The following KDM5A variants were observed in gnomAD, a reference collection of about 807,000 sequenced individuals.
KDM5A encodes lysine-specific demethylase 5A.
A neutral mutation model predicts 193.5 loss-of-function variants in KDM5A; 42 were observed. The observed-to-expected ratio is 0.22, with a 90% CI of 0.17 to 0.28. KDM5A has a LOEUF of 0.28. Ranked by LOEUF, KDM5A falls within the 10% of genes least tolerant of loss-of-function variation. The pLI, the probability that KDM5A is intolerant of heterozygous loss-of-function variation, is 1.00. For synonymous variants in KDM5A, 796 were observed against 718.1 expected, an observed-to-expected ratio of 1.11 and a Z score of -1.73; for missense variants, 1,692 against 2,055.1, an observed-to-expected ratio of 0.82 and a Z score of 3.42.
At chr12:310,075 T>G in intron 21 of KDM5A, 111 bp from the exon 22 acceptor site, 1 of 1,075,896 alleles carries the variant, frequency 9.3e-7, no homozygotes, top group Non-Finnish European at 1.4e-6. Context: ...CGCACTTTCT[T>G]AAGGACTTTA....
chr12:330,734 G>A (rs1205291966), intron 13 of KDM5A, among the ~76,000 whole-genome samples: 1 of 152,114 alleles, frequency 6.6e-6, no homozygotes, highest in Non-Finnish European at 1.5e-5. Context: ...AAAATTACTG[G>A]AGCAAGTAAG....
rs1386239903 is a variant in KDM5A at position 388,995 on chromosome 12, G to A, written c.97C>T (p.Leu33Phe). The change falls in exon 1 of 28, where the codon CTC becomes TTC. Residue 33 changes from leucine to phenylalanine, a missense_variant. Coordinates refer to ENST00000399788, the MANE Select transcript of KDM5A (RefSeq NM_001042603.3). ...GGCCGGATGCGGCCGATAAAGCTGA[G>A]CGGATCTGTGAACTCCTCCCAACTC... is the stretch of plus-strand genomic sequence containing the variant. ...EPSWEEFTDPLSFIGRIRPLA... is the reference protein window; with the variant it reads ...EPSWEEFTDPFSFIGRIRPLA... 3.1e-6 allele frequency: 5 copies of A among 1,614,036 alleles called. No homozygotes were observed. Among genetic ancestry groups the A allele is most frequent in the Middle Eastern group, 1.6e-4 (1 of 6,084 alleles).
In KDM5A at chr12:326,864, C is replaced by CAAAAAAA. The variant is rs61571425; in HGVS notation, c.1968+1964_1968+1970dup. Reference sequence around the variant, plus strand: ...TGGGTGACAGAGCTAGACTCTGTCTCAAAAAAAAAAAAAAAAAAAAAAAAA... The same window carrying CAAAAAAA: ...TGGGTGACAGAGCTAGACTCTGTCTCAAAAAAAAAAAAAAAAAAAAAAAAAAAAAAAA... On this transcript the variant is annotated intron_variant, in intron 14 of 27. Transcript: ENST00000399788. 1.4e-4 allele frequency among the ~76,000 whole-genome samples: 12 copies of CAAAAAAA among 85,990 alleles called. No individual in the cohort carries two copies. In the East Asian group the frequency reaches 2.2e-3, roughly 16 times the overall value. The allele number at this position is 85,990 out of a possible 152,430, so 56.4% of individuals were successfully genotyped here. A position where few individuals can be genotyped will look rare whatever the true frequency, so the allele number is the denominator to read the frequency against.
intron 5 of KDM5A, among the ~76,000 whole-genome samples, chr12:359,442 T>C (rs959529541): frequency 6.6e-6 from 1 of 152,140 alleles, no homozygotes; most frequent in Admixed American, 6.5e-5. Flanking sequence ...AGGAGTTTGA[T>C]TCATTTGATT....
chr12:367,688 T>A (rs1324186246), intron 3 of KDM5A, among the ~76,000 whole-genome samples: 1 of 150,370 alleles, frequency 6.7e-6, no homozygotes, highest in Non-Finnish European at 1.5e-5. Context: ...GACAGTAGAG[T>A]GAGACTCCAT....
intron 22 of KDM5A, 41 bp from the exon 23 acceptor site, chr12:308,046 T>C: frequency 6.4e-7 from 1 of 1,573,060 alleles, no homozygotes; most frequent in Non-Finnish European, 8.7e-7. Flanking sequence ...GTCACTGCAA[T>C]ATACCCCCCA....
In KDM5A at chr12:386,117, A is replaced by G. The variant is rs1944634797; in HGVS notation, c.166-143T>C. On this transcript the variant is annotated intron_variant, in intron 1 of 27. Transcript: ENST00000399788. ...TCTTCTTTATTATAGAGACAGAATGAGCAATTCTTTTCGATAAAATAATTT... is the reference window on the plus strand; with the variant it reads ...TCTTCTTTATTATAGAGACAGAATGGGCAATTCTTTTCGATAAAATAATTT... The G allele has an allele frequency of 4.6e-6, 3 of 647,996 alleles. No homozygotes were observed. In the Admixed American group the frequency reaches 7.7e-5, roughly 17 times the overall value. The allele number at this position is 647,996 out of a possible 1,614,324, so 40.1% of individuals were successfully genotyped here.
At position 280,301 on chromosome 12, in the gene KDM5A, C is replaced by T. The variant is rs1943141679; in HGVS notation, c.*5155G>A. ...TGGATCTTCCATTTATTGGTATCAA[C>T]CACAATAGCAAGACCCCCAAGAAAT... On this transcript the variant is annotated 3_prime_UTR_variant, in exon 28 of 28. Coordinates refer to ENST00000399788, the MANE Select transcript of KDM5A (RefSeq NM_001042603.3). 1 of 232,770 alleles carries T rather than the reference C, an allele frequency of 4.3e-6. No homozygotes were observed. Among genetic ancestry groups the T allele is most frequent in the Admixed American group, 5.6e-5 (1 of 17,736 alleles). The allele number at this position is 232,770 out of a possible 1,614,324, so 14.4% of individuals were successfully genotyped here. A position where few individuals can be genotyped will look rare whatever the true frequency, so the allele number is the denominator to read the frequency against.
rs1034897224 is a variant in KDM5A, at chr12:332,016, A to G, written c.1654-78T>C. On this transcript the variant is annotated intron_variant, in intron 12 of 27. Coordinates refer to ENST00000399788, the MANE Select transcript of KDM5A (RefSeq NM_001042603.3). Reference sequence around the variant, plus strand: ...CAGAGGAAGACAGATTTTATTAGATAATTTCAGATGCATTTTCTAAAACTG... The same window carrying G: ...CAGAGGAAGACAGATTTTATTAGATGATTTCAGATGCATTTTCTAAAACTG... 2.2e-6 allele frequency: 3 copies of G among 1,333,364 alleles called. No individual in the cohort carries two copies. In the African/African-American group the frequency reaches 4.4e-5, roughly 19 times the overall value. The allele number at this position is 1,333,364 out of a possible 1,614,324, so 82.6% of individuals were successfully genotyped here.
intron 3 of KDM5A, among the ~76,000 whole-genome samples, chr12:383,143 C>T (rs561289619): frequency 6.6e-6 from 1 of 152,048 alleles, no homozygotes; most frequent in South Asian, 2.1e-4. Flanking sequence ...ACTACATACA[C>T]GTATTAACAA....
At chr12:342,456 A>C (rs1944018496) in intron 10 of KDM5A, among the ~76,000 whole-genome samples, 1 of 151,820 alleles carries the variant, frequency 6.6e-6, no homozygotes, top group Non-Finnish European at 1.5e-5. Context: ...TACCAATAAA[A>C]TGTGTTTTTT....
At chr12:383,214 T>C (rs1248189190) in intron 3 of KDM5A, among the ~76,000 whole-genome samples, 1 of 69,168 alleles carries the variant, frequency 1.4e-5, no homozygotes, top group Non-Finnish European at 2.9e-5. Flanking sequence ...TATGCCAAAT[T>C]TTCTCTTTTT....
intron 3 of KDM5A, among the ~76,000 whole-genome samples, chr12:381,083 C>G (rs1051723303): frequency 2.6e-5 from 4 of 152,142 alleles, no homozygotes; most frequent in Admixed American, 1.3e-4. Flanking sequence ...CAACCTCCAC[C>G]TCCCGGGTTC....
At chr12:368,261 G>T (rs1023890105) in intron 3 of KDM5A, among the ~76,000 whole-genome samples, 6 of 152,146 alleles carry the variant, frequency 3.9e-5, no homozygotes, top group Non-Finnish European at 8.8e-5. Context: ...GTGGTGGAAG[G>T]GAGAAGTCCT....
chr12:375,963 G>A (rs760992876), intron 3 of KDM5A, among the ~76,000 whole-genome samples: 42 of 152,198 alleles, frequency 2.8e-4, no homozygotes, highest in Middle Eastern at 3.2e-3. Context: ...AGGGATACCC[G>A]GCCATGTGGG....
chr12:289,713 TCAA>T (rs1943265217), intron 27 of KDM5A, among the ~76,000 whole-genome samples: 1 of 62,054 alleles, frequency 1.6e-5, no homozygotes. Context: ...GGACCCTGTC[TCAA>T]AAAAAAAAAA....
Position 289,347 on chromosome 12 carries a change from T to G in KDM5A, c.4866+3412A>C, listed in dbSNP as rs1334908709. Among the ~76,000 whole-genome samples, 5 of 152,122 alleles carry G rather than the reference T, an allele frequency of 3.3e-5. No homozygotes were observed. In the East Asian group the frequency reaches 9.6e-4, roughly 29 times the overall value. On this transcript the variant is annotated intron_variant, in intron 27 of 27. Coordinates refer to ENST00000399788, the MANE Select transcript of KDM5A (RefSeq NM_001042603.3). ...AATAAAGAGTTCAGAGACAAAAAGA[T>G]TCTGAACTTCAAAATTAATTTTTTA...
chr12:372,741 C>T (rs950924064), intron 3 of KDM5A, among the ~76,000 whole-genome samples: 5 of 152,146 alleles, frequency 3.3e-5, no homozygotes, highest in African/African-American at 1.2e-4. Context: ...TCATAAATAG[C>T]TCTTATTATT....
intron 5 of KDM5A, among the ~76,000 whole-genome samples, chr12:360,644 A>T (rs1944282394): frequency 6.6e-6 from 1 of 152,258 alleles, no homozygotes; most frequent in African/African-American, 2.4e-5. Context: ...AAAATTACTT[A>T]GCTCAAAGTT....
Sources: gnomAD v4.1 joint callset for allele counts (sites outside exome capture counted in the v4.1 genomes callset) on GRCh38, gnomAD v4.1.1 for gene constraint, MANE v1.5 for transcripts, NCBI Gene and HGNC (gene_info 2026-07-23, HGNC 2026-07-21) for gene names.